CSNK2A1: variants seen among roughly 807,000 people sequenced by gnomAD.
The protein encoded by CSNK2A1 is casein kinase 2 alpha 1.
A neutral mutation model predicts 62.9 loss-of-function variants in CSNK2A1; 10 were observed. That is an observed-to-expected ratio of 0.16 (90% CI 0.10 to 0.27). The LOEUF is 0.27. Ranked by LOEUF, CSNK2A1 falls within the 10% of genes least tolerant of loss-of-function variation. CSNK2A1 has a pLI of 1.00. For synonymous variants in CSNK2A1, 124 were observed against 167.8 expected (o/e 0.74, Z 2.02); for missense variants, 160 against 492.0 (o/e 0.33, Z 6.38).
chr20:488,850 T>C, intron 10 of CSNK2A1, 72 bp from the exon 11 acceptor site: 1 of 1,388,946 alleles, frequency 7.2e-7, no homozygotes, highest in Non-Finnish European at 1.0e-6. Flanking sequence ...TAACAATGAT[T>C]GAATTTACAT....
intron 2 of CSNK2A1, among the ~76,000 whole-genome samples, chr20:524,421 C>CAAA (rs71191944): frequency 1.3e-5 from 1 of 74,764 alleles, no homozygotes; most frequent in Non-Finnish European, 2.8e-5. Flanking sequence ...GGCTCCTTCT[C>CAAA]AAAAAAAAAA....
At chr20:484,694 T>TTGTGTGTGTGTG (rs3055006) in intron 13 of CSNK2A1, among the ~76,000 whole-genome samples, 1 of 147,620 alleles carries the variant, frequency 6.8e-6, no homozygotes, top group Admixed American at 6.7e-5. Context: ...AATCATGTTT[T>TTGTGTGTGTGTG]TGTGTGTGTG....
chr20:528,909 A>G (rs1414558576), intron 1 of CSNK2A1, among the ~76,000 whole-genome samples: 1 of 152,248 alleles, frequency 6.6e-6, no homozygotes, highest in Admixed American at 6.5e-5. Context: ...TCTGTTCTAC[A>G]GCAAGGGACT....
Position 499,656 on chromosome 20 carries a change from G to T in CSNK2A1, c.315+177C>A. The T allele has an allele frequency of 1.6e-6, 1 of 629,596 alleles. No individual in the cohort carries two copies. The allele number at this position is 629,596 out of a possible 1,614,324, so 39.0% of individuals were successfully genotyped here. ...CTAGAAGAATAAGAAATAGTCTGTGGGTGGAGGTCTCTTTGAAAGAAAGAC... is the reference window on the plus strand; with the variant it reads ...CTAGAAGAATAAGAAATAGTCTGTGTGTGGAGGTCTCTTTGAAAGAAAGAC... On this transcript the variant is annotated intron_variant, in intron 5 of 13. Coordinates refer to ENST00000217244, the MANE Select transcript of CSNK2A1 (RefSeq NM_177559.3). The surrounding 1 kb of genome is among the most constrained non-coding windows in gnomAD (Gnocchi z 4.2).
intron 4 of CSNK2A1, chr20:502,479 C>T (rs1304637986): frequency 6.6e-6 from 1 of 152,116 alleles, no homozygotes; most frequent in Non-Finnish European, 1.5e-5. Flanking sequence ...TTGTGACAGA[C>T]CAGGCAGCTG....
At chr20:527,465 G>C (rs1037283028) in intron 2 of CSNK2A1, among the ~76,000 whole-genome samples, 1 of 152,126 alleles carries the variant, frequency 6.6e-6, no homozygotes, top group Non-Finnish European at 1.5e-5. Flanking sequence ...TTTATACATT[G>C]ATTATGCCTT....
At chr20:487,367 A>G in intron 12 of CSNK2A1, 60 bp downstream of exon 12, 3 of 1,603,358 alleles carry the variant, frequency 1.9e-6, no homozygotes, top group Non-Finnish European at 2.6e-6. Context: ...TGGGATTACG[A>G]CTCTGTTCTA....
intron 2 of CSNK2A1, among the ~76,000 whole-genome samples, chr20:514,720 G>A (rs574341957): frequency 2.4e-4 from 36 of 152,260 alleles, no homozygotes; most frequent in Non-Finnish European, 1.0e-4. Flanking sequence ...GAGATTACAG[G>A]TGTGAGCCAC....
intron 12 of CSNK2A1, chr20:486,751 G>T (rs2018108283): frequency 2.9e-6 from 1 of 350,500 alleles, no homozygotes; most frequent in South Asian, 3.4e-5. Context: ...GTCCTGTTGA[G>T]GTTTAATGGA....
chr20:527,913 G>C lies in CSNK2A1; in HGVS notation c.-110+20C>G, dbSNP rs1455990125. On this transcript the variant is annotated intron_variant, in intron 2 of 13. Coordinates refer to ENST00000217244, the MANE Select transcript of CSNK2A1 (RefSeq NM_177559.3). ...CATCCTTTTTAAACCAGGGGAAAAA[G>C]GTTTCCTACTATCACTTACCAAAGA... The C allele has an allele frequency of 6.6e-6, 1 of 152,070 alleles. No individual in the cohort carries two copies. The highest frequency in any genetic ancestry group is 1.5e-5 in the Non-Finnish European group (1 of 68,030). 9.4% of individuals were successfully genotyped at this position (152,070 alleles called of 1,614,324 possible). A position where few individuals can be genotyped will look rare whatever the true frequency, so the allele number is the denominator to read the frequency against.
chr20:492,631 C>T (rs764066748), intron 8 of CSNK2A1: 1 of 381,678 alleles, frequency 2.6e-6, no homozygotes, highest in Non-Finnish European at 4.7e-6. Flanking sequence ...TACTACCCAG[C>T]CTATAATCCT....
Position 497,678 on chromosome 20 carries a change from G to A in CSNK2A1, c.426+43C>T, listed in dbSNP as rs188321389. 8 of 1,517,430 alleles carry A rather than the reference G, an allele frequency of 5.3e-6. 1 individual carries two copies. The East Asian group carries it at 1.6e-4, about 30-fold the overall frequency. 94.0% of individuals were successfully genotyped at this position (1,517,430 alleles called of 1,614,324 possible). ...CCATCAATTGACTATTTAACAAAAA[G>A]AAGACCAATTTAAAAAATATTTAGT... On this transcript the variant is annotated intron_variant, in intron 7 of 13. Coordinates refer to ENST00000217244, the MANE Select transcript of CSNK2A1 (RefSeq NM_177559.3).
Position 479,316 on chromosome 20 carries a change from C to T in CSNK2A1, c.*4645G>A, listed in dbSNP as rs1166878555. ...GCATCTGTCATAGAATCTGAACAAC[C>T]GCTCTATGAAATCAGTACTTATACC... On this transcript the variant is annotated 3_prime_UTR_variant, in exon 14 of 14. Coordinates refer to ENST00000217244, the MANE Select transcript of CSNK2A1 (RefSeq NM_177559.3). 2 of 152,084 alleles carry T rather than the reference C, an allele frequency of 1.3e-5. No individual in the cohort carries two copies. The highest frequency in any genetic ancestry group is 2.9e-5 in the Non-Finnish European group (2 of 68,034). The allele number at this position is 152,084 out of a possible 1,614,324, so 9.4% of individuals were successfully genotyped here.
chr20:488,993 A>C lies in CSNK2A1; in HGVS notation c.724-215T>G, dbSNP rs2018159595. 7.1e-6 allele frequency: 3 copies of C among 422,664 alleles called. No individual in the cohort carries two copies. In the East Asian group the frequency reaches 1.4e-4, roughly 19 times the overall value. 26.2% of individuals were successfully genotyped at this position (422,664 alleles called of 1,614,324 possible). ...TCCTCTTGAAATGTCACCCTGGTGA[A>C]CCCTTATTTTTCTCCCCTCAAAACC... On this transcript the variant is annotated intron_variant, in intron 10 of 13. Coordinates refer to ENST00000217244, the MANE Select transcript of CSNK2A1 (RefSeq NM_177559.3).
intron 1 of CSNK2A1, among the ~76,000 whole-genome samples, chr20:528,849 T>C (rs1011234602): frequency 2.0e-5 from 3 of 152,150 alleles, no homozygotes; most frequent in African/African-American, 7.2e-5. Flanking sequence ...ACCTTCCCAA[T>C]GTCAGAGGTA....
At chr20:490,341 T>TTTTTTC in intron 9 of CSNK2A1, among the ~76,000 whole-genome samples, 1 of 138,248 alleles carries the variant, frequency 7.2e-6, no homozygotes, top group African/African-American at 3.2e-5. Flanking sequence ...TTTTCTTTTT[T>TTTTTTC]TTTTTTTTTT....
intron 1 of CSNK2A1, among the ~76,000 whole-genome samples, chr20:529,109 T>C (rs192151431): frequency 1.1e-4 from 17 of 152,174 alleles, no homozygotes; most frequent in African/African-American, 4.1e-4. Context: ...GGTGCAACCG[T>C]AGCTCACTGT....
intron 1 of CSNK2A1, among the ~76,000 whole-genome samples, chr20:530,699 T>C (rs1160206523): frequency 6.6e-6 from 1 of 152,132 alleles, no homozygotes; most frequent in Non-Finnish European, 1.5e-5. Flanking sequence ...GGTCTCGAAC[T>C]CCTGGATTCA....
rs1378752068 is a variant in CSNK2A1, at chr20:479,635, T to C, written c.*4326A>G. Reference sequence around the variant, plus strand: ...GTAGACCACTTGCAGTAACATTACATTGCTTCTCTAATGGTTAAATTTAGC... The same window carrying C: ...GTAGACCACTTGCAGTAACATTACACTGCTTCTCTAATGGTTAAATTTAGC... On this transcript the variant is annotated 3_prime_UTR_variant, in exon 14 of 14. Coordinates refer to ENST00000217244, the MANE Select transcript of CSNK2A1 (RefSeq NM_177559.3). 1 of 152,224 alleles carries C rather than the reference T, an allele frequency of 6.6e-6. No homozygotes were observed. The highest frequency in any genetic ancestry group is 1.5e-5 in the Non-Finnish European group (1 of 68,024). 9.4% of individuals were successfully genotyped at this position (152,224 alleles called of 1,614,324 possible).
Sources: gnomAD v4.1 joint callset for allele counts (sites outside exome capture counted in the v4.1 genomes callset) on GRCh38, gnomAD v4.1.1 for gene constraint, Gnocchi (gnomAD v3.1) non-coding constraint, MANE v1.5 for transcripts, NCBI Gene and HGNC (gene_info 2026-07-23, HGNC 2026-07-21) for gene names.